ADAD1: variants seen among roughly 807,000 people sequenced by gnomAD.
The protein encoded by ADAD1 is adenosine deaminase domain containing 1.
Under a neutral mutation model 66.8 loss-of-function variants are expected in ADAD1, and 46 were observed. The observed-to-expected ratio is 0.69, with a 90% CI of 0.54 to 0.88. The LOEUF (loss-of-function observed/expected upper bound fraction) is 0.88, where lower values mean the gene tolerates loss of function less well. ADAD1 is among the 40% of genes least tolerant of loss of function. The probability of loss-of-function intolerance (pLI) is 0.00; values close to 1 mark genes in which losing one functional copy is unlikely to be tolerated. For synonymous variants in ADAD1, 248 were observed against 229.4 expected, an observed-to-expected ratio of 1.08 and a Z score of -0.73; for missense variants, 617 against 681.8, an observed-to-expected ratio of 0.91 and a Z score of 1.06.
intron 4 of ADAD1, among the ~76,000 whole-genome samples, chr4:122,381,419 G>T (rs2150525625): frequency 6.6e-6 from 1 of 152,260 alleles, no homozygotes; most frequent in South Asian, 2.1e-4. Context: ...CTAGCTGAAT[G>T]GAAATTAGTC....
At chr4:122,388,501 C>A (rs1385737093) in intron 5 of ADAD1, among the ~76,000 whole-genome samples, 1 of 151,872 alleles carries the variant, frequency 6.6e-6, no homozygotes, top group African/African-American at 2.4e-5. Flanking sequence ...TGGTCCTGGA[C>A]TTTTTTTTGG....
chr4:122,380,938 C>A (rs527970951), intron 3 of ADAD1, 54 bp from the exon 4 acceptor site: 2 of 1,481,752 alleles, frequency 1.3e-6, no homozygotes, highest in South Asian at 1.3e-5. Flanking sequence ...TGCTTTTGCT[C>A]ATTTTTGTTT....
chr4:122,399,808 C>G (rs1173254534), intron 7 of ADAD1, among the ~76,000 whole-genome samples: 1 of 147,086 alleles, frequency 6.8e-6, no homozygotes, highest in Non-Finnish European at 1.5e-5. Flanking sequence ...AGCTTGGTCA[C>G]TGTTGATGTA....
rs374302609 is a variant in ADAD1, at chr4:122,421,378, T to C, written c.1605T>C (p.Tyr535=). 1.2e-5 allele frequency: 19 copies of C among 1,595,176 alleles called. No homozygotes were observed. Among genetic ancestry groups the C allele is most frequent in the Non-Finnish European group, 6.9e-6 (8 of 1,167,498 alleles). Residue 535 remains tyrosine (Y), a synonymous_variant, in exon 12 of 13, where the codon TAT becomes TAC. Coordinates refer to ENST00000296513, the MANE Select transcript of ADAD1 (RefSeq NM_139243.4). ...AKKELLEAGT[Y]HAAKCMSASY... is the part of the protein sequence containing the mutation. Reference sequence around the variant, plus strand: ...AAGAATTACTTGAAGCTGGTACATATCATGCAGCTAAGGTAAGTCCTTAAA... The same window carrying C: ...AAGAATTACTTGAAGCTGGTACATACCATGCAGCTAAGGTAAGTCCTTAAA...
At chr4:122,393,686 T>A in intron 6 of ADAD1, 29 bp downstream of exon 6, 2 of 1,502,136 alleles carry the variant, frequency 1.3e-6, no homozygotes, top group Non-Finnish European at 1.8e-6. Flanking sequence ...ACGTTCTTCT[T>A]TAGAAGAGTA....
At chr4:122,382,667 C>T (rs564989186) in intron 4 of ADAD1, among the ~76,000 whole-genome samples, 1 of 152,146 alleles carries the variant, frequency 6.6e-6, no homozygotes, top group South Asian at 2.1e-4. Flanking sequence ...GATCCTCCAA[C>T]CTCAGCTTCC....
Position 122,393,607 on chromosome 4 carries a change from C to T in ADAD1, c.548C>T (p.Ala183Val), listed in dbSNP as rs367677453. 1.3e-6 allele frequency: 2 copies of T among 1,598,218 alleles called. No homozygotes were observed. Among genetic ancestry groups the T allele is most frequent in the Non-Finnish European group, 1.7e-6 (2 of 1,173,804 alleles). Residue 183 changes from alanine (A) to valine (V), a missense_variant, in exon 6 of 13, where the codon GCA becomes GTA. Physicochemically the swap from Ala to Val is moderately conservative, Grantham distance 64 (BLOSUM62 0). Transcript: ENST00000296513. ...LETSGPPPFP[A>V]EPVVLSELAY... ...TTTACAGGTCCTCCTCCTTTCCCTG[C>T]AGAACCTGTTGTTTTATCTGAACTA...
intron 12 of ADAD1, among the ~76,000 whole-genome samples, chr4:122,426,818 A>C (rs1341487988): frequency 6.6e-6 from 1 of 152,234 alleles, no homozygotes; most frequent in South Asian, 2.1e-4. Context: ...AACAAGGAAT[A>C]GAAGTGAACT....
chr4:122,399,362 AT>A (rs1357702371), intron 7 of ADAD1, among the ~76,000 whole-genome samples: 1 of 151,988 alleles, frequency 6.6e-6, no homozygotes, highest in Non-Finnish European at 1.5e-5. Context: ...ACCAATACCA[AT>A]ACCATGTTGT....
intron 5 of ADAD1, among the ~76,000 whole-genome samples, chr4:122,384,220 A>G (rs1023205835): frequency 9.2e-5 from 14 of 152,242 alleles, no homozygotes; most frequent in African/African-American, 2.9e-4. Context: ...TGACAGATTA[A>G]GTCCTAAAAT....
At position 122,416,324 on chromosome 4, in the gene ADAD1, G is replaced by A. The variant is rs561554786; in HGVS notation, c.1487+708G>A. ...TTGATTATTAAGTAAAAGTAAAACT[G>A]TTCTTTTAGTGTGAACATACATTTG... On this transcript the variant is annotated intron_variant, in intron 11 of 12. Coordinates refer to ENST00000296513, the MANE Select transcript of ADAD1 (RefSeq NM_139243.4). 2.6e-5 allele frequency among the ~76,000 whole-genome samples: 4 copies of A among 152,276 alleles called. No homozygotes were observed. The East Asian group carries it at 7.7e-4, about 29-fold the overall frequency.
At chr4:122,381,740 T>C (rs1794906393) in intron 4 of ADAD1, among the ~76,000 whole-genome samples, 1 of 152,208 alleles carries the variant, frequency 6.6e-6, no homozygotes, top group Admixed American at 6.5e-5. Context: ...TTCTGATCTC[T>C]TCACATTATA....
chr4:122,382,317 C>T (rs1421285829), intron 4 of ADAD1, among the ~76,000 whole-genome samples: 2 of 152,152 alleles, frequency 1.3e-5, no homozygotes, highest in African/African-American at 4.8e-5. Context: ...GGTAGTGAAA[C>T]CACAGTGTCA....
intron 7 of ADAD1, among the ~76,000 whole-genome samples, chr4:122,405,957 A>G (rs1272202937): frequency 6.6e-6 from 1 of 151,912 alleles, no homozygotes; most frequent in Non-Finnish European, 1.5e-5. Context: ...TATATATGTC[A>G]TGGTTTCTTT....
chr4:122,416,632 C>G (rs934537612), intron 11 of ADAD1, among the ~76,000 whole-genome samples: 16 of 151,858 alleles, frequency 1.1e-4, no homozygotes, highest in African/African-American at 3.4e-4. Flanking sequence ...ATTTGGGAGG[C>G]TGAGACAGGA....
At chr4:122,385,178 GT>G (rs1002605510) in intron 5 of ADAD1, among the ~76,000 whole-genome samples, 2 of 151,618 alleles carry the variant, frequency 1.3e-5, no homozygotes, top group African/African-American at 4.9e-5. Context: ...TAAAACTTTA[GT>G]TTTTTTCAAA....
chr4:122,417,608 G>C (rs1796798865), intron 11 of ADAD1, among the ~76,000 whole-genome samples: 1 of 152,152 alleles, frequency 6.6e-6, no homozygotes, highest in African/African-American at 2.4e-5. Context: ...GGTAGATCAG[G>C]TGGACAAAAC....
Position 122,411,240 on chromosome 4 carries a change from T to A in ADAD1, c.867T>A (p.Leu289=). Residue 289 remains leucine (L), a synonymous_variant, in exon 9 of 13, where the codon CTT becomes CTA. Transcript: ENST00000296513. ...ATTTTAGGTACTTTTATAGACAACT[T>A]CTGCTCTTCTACAGCAAAAATCCTG... The part of the protein sequence containing the change: ...RSLLRYFYRQ[L]LLFYSKNPAM... 11 of 1,601,872 alleles carry A rather than the reference T, an allele frequency of 6.9e-6. No homozygotes were observed. The highest frequency in any genetic ancestry group is 9.3e-6 in the Non-Finnish European group (11 of 1,176,840).
In ADAD1 at chr4:122,395,909, T is replaced by G. The variant is rs1795688459; in HGVS notation, c.599-343T>G. Among the ~76,000 whole-genome samples, 3 of 152,208 alleles carry G rather than the reference T, an allele frequency of 2.0e-5. No homozygotes were observed. In the South Asian group the frequency reaches 6.2e-4, roughly 32 times the overall value. On this transcript the variant is annotated intron_variant, in intron 6 of 12. Coordinates refer to ENST00000296513, the MANE Select transcript of ADAD1 (RefSeq NM_139243.4). ...ATGATTAGGGCATTCAGTGGGGTGC[T>G]GGTCATCTTGCAAAGTGTGGCACAG...
Sources: gnomAD v4.1 joint callset for allele counts (sites outside exome capture counted in the v4.1 genomes callset) on GRCh38, gnomAD v4.1.1 for gene constraint, MANE v1.5 for transcripts, NCBI Gene and HGNC (gene_info 2026-07-23, HGNC 2026-07-21) for gene names.